The following DCC variants were observed in gnomAD, a reference collection of about 807,000 sequenced individuals.
DCC encodes netrin receptor DCC.
DCC carries 58 observed loss-of-function variants against 172.5 expected under a neutral mutation model. The observed-to-expected ratio is 0.34, with a 90% CI of 0.27 to 0.42. The LOEUF is 0.42. Among genes scored for constraint, DCC ranks in the 10% least tolerant of loss-of-function variants. DCC has a pLI of 1.00. For missense variants in DCC, 1,740 were observed against 1,791.0 expected (o/e 0.97, Z 0.51); for synonymous variants, 709 against 644.5 (o/e 1.10, Z -1.52).
intron 15 of DCC, among the ~76,000 whole-genome samples, chr18:53,359,868 C>T (rs962891825): frequency 6.6e-6 from 1 of 152,000 alleles, no homozygotes; most frequent in African/African-American, 2.4e-5. Flanking sequence ...TTTCAGTGAC[C>T]CCTGACTTAT....
chr18:52,542,736 G>C (rs1204809949), intron 1 of DCC, among the ~76,000 whole-genome samples: 3 of 152,116 alleles, frequency 2.0e-5, no homozygotes, highest in Admixed American at 1.3e-4. Flanking sequence ...CTACTCGAGA[G>C]GCTGAGGCAG....
intron 15 of DCC, among the ~76,000 whole-genome samples, chr18:53,376,523 A>G (rs566715799): frequency 1.9e-4 from 29 of 152,340 alleles, no homozygotes; most frequent in African/African-American, 6.5e-4. Flanking sequence ...CAACAATTCT[A>G]AGCAGCTTAT....
intron 9 of DCC, among the ~76,000 whole-genome samples, chr18:53,195,782 T>C (rs1361634890): frequency 6.6e-6 from 1 of 152,224 alleles, no homozygotes; most frequent in Non-Finnish European, 1.5e-5. Flanking sequence ...CCCTCCGTTA[T>C]CATCCCAGAT....
At chr18:52,416,607 G>A (rs1217445967) in intron 1 of DCC, among the ~76,000 whole-genome samples, 1 of 151,800 alleles carries the variant, frequency 6.6e-6, no homozygotes, top group Admixed American at 6.6e-5. Flanking sequence ...TTGTTGAATT[G>A]ATCCCTTTAG....
intron 12 of DCC, among the ~76,000 whole-genome samples, chr18:53,245,383 C>T (rs1267920780): frequency 1.3e-5 from 2 of 152,148 alleles, no homozygotes; most frequent in East Asian, 1.9e-4. Context: ...GTTCTGTATG[C>T]TCTGTGCCTC....
intron 12 of DCC, among the ~76,000 whole-genome samples, chr18:53,293,983 T>C (rs1446084761): frequency 6.6e-6 from 1 of 152,198 alleles, no homozygotes; most frequent in Admixed American, 6.5e-5. Flanking sequence ...TTGACCCTAA[T>C]TTACTGGTTC....
chr18:52,471,848 T>A (rs1261309972), intron 1 of DCC, among the ~76,000 whole-genome samples: 1 of 152,240 alleles, frequency 6.6e-6, no homozygotes, highest in East Asian at 1.9e-4. Flanking sequence ...CCTTGAATTC[T>A]CATTATTGTT....
chr18:53,365,635 A>G (rs766013349), intron 15 of DCC, among the ~76,000 whole-genome samples: 10 of 152,294 alleles, frequency 6.6e-5, no homozygotes, highest in South Asian at 2.1e-4. Context: ...AGCATTGAGC[A>G]CTGTTAAAAC....
chr18:52,940,281 G>A (rs1459317608), intron 5 of DCC, among the ~76,000 whole-genome samples: 2 of 152,072 alleles, frequency 1.3e-5, no homozygotes, highest in African/African-American at 4.8e-5. Flanking sequence ...TAAGGGAGGG[G>A]CATCATGATA....
At chr18:52,898,572 T>C (rs1321780548) in intron 2 of DCC, among the ~76,000 whole-genome samples, 1 of 152,172 alleles carries the variant, frequency 6.6e-6, no homozygotes, top group Non-Finnish European at 1.5e-5. Context: ...ATGCAGTGTG[T>C]GTATGCTTGG....
chr18:52,698,528 C>T (rs16960544), intron 1 of DCC, among the ~76,000 whole-genome samples: 14,169 of 152,094 alleles, frequency 0.093, 770 homozygotes, highest in South Asian at 0.22. Flanking sequence ...GCAATTCTTG[C>T]TCCCCATTGT....
At chr18:53,385,320 T>G (rs16956659) in intron 15 of DCC, among the ~76,000 whole-genome samples, 37,191 of 152,004 alleles carry the variant, frequency 0.24, 5,129 homozygotes, top group East Asian at 0.5. Flanking sequence ...AGATAAAAAT[T>G]GACAGAAACA....
Position 52,906,193 on chromosome 18 carries a change from C to T in DCC, c.562C>T (p.Arg188Ter). Residue 188 changes from arginine (R) to a stop codon, truncating the protein, a stop_gained, in exon 3 of 29, where the codon CGA becomes TGA. Coordinates refer to ENST00000442544, the MANE Select transcript of DCC (RefSeq NM_005215.4). LOFTEE classifies it high-confidence loss of function. ...QDLTPIPGDS[R>*]VVVLPSGALQ... ...CCTGACTCCAATCCCAGGTGACTCC[C>T]GAGTGGTGGTCTTGCCCTCTGGAGC... 1.2e-6 allele frequency: 2 copies of T among 1,614,052 alleles called. No homozygotes were observed. Among genetic ancestry groups the T allele is most frequent in the Middle Eastern group, 1.7e-4 (1 of 6,060 alleles).
At chr18:52,441,751 CA>C (rs1047112168) in intron 1 of DCC, among the ~76,000 whole-genome samples, 1 of 152,126 alleles carries the variant, frequency 6.6e-6, no homozygotes, top group Non-Finnish European at 1.5e-5. Context: ...CAACTAATAG[CA>C]AACAAAAGTT....
At chr18:53,145,666 T>C (rs1021746256) in intron 7 of DCC, among the ~76,000 whole-genome samples, 1 of 152,182 alleles carries the variant, frequency 6.6e-6, no homozygotes, top group African/African-American at 2.4e-5. Context: ...GATGCAGCTA[T>C]TACTTTTAGA....
intron 1 of DCC, among the ~76,000 whole-genome samples, chr18:52,373,443 G>A (rs1598871454): frequency 6.6e-6 from 1 of 152,132 alleles, no homozygotes; most frequent in Non-Finnish European, 1.5e-5. Flanking sequence ...AACTATAGAT[G>A]TGACTATATT....
intron 1 of DCC, among the ~76,000 whole-genome samples, chr18:52,492,243 G>C (rs1370031689): frequency 6.6e-6 from 1 of 151,860 alleles, no homozygotes; most frequent in African/African-American, 2.4e-5. Flanking sequence ...TTTGAGAGAA[G>C]ACATTAAGTA....
chr18:52,861,070 G>A (rs1307718967), intron 2 of DCC, among the ~76,000 whole-genome samples: 2 of 151,622 alleles, frequency 1.3e-5, no homozygotes, highest in Non-Finnish European at 1.5e-5. Context: ...CAAATCTCAG[G>A]TTAGACTTTT....
rs201669640 is a variant in DCC, at chr18:52,911,701, T to C, written c.697+5373T>C. On this transcript the variant is annotated intron_variant, in intron 3 of 28. Coordinates refer to ENST00000442544, the MANE Select transcript of DCC (RefSeq NM_005215.4). Reference sequence around the variant, plus strand: ...GTGAACAGCACATTAGGTTAATGCATTACCTGATATTTTTGTCTCATATTT... The same window carrying C: ...GTGAACAGCACATTAGGTTAATGCACTACCTGATATTTTTGTCTCATATTT... 6.0e-5 allele frequency among the ~76,000 whole-genome samples: 9 copies of C among 149,082 alleles called. No individual in the cohort carries two copies. The East Asian group carries it at 1.8e-3, about 30-fold the overall frequency.
Sources: allele counts gnomAD v4.1 joint callset (sites outside exome capture counted in the v4.1 genomes callset), GRCh38; gene constraint gnomAD v4.1.1; transcripts MANE v1.5; gene names NCBI Gene and HGNC (gene_info 2026-07-23, HGNC 2026-07-21).